The following USH2A variants were observed in gnomAD, a reference collection of about 807,000 sequenced individuals.
USH2A encodes usherin.
A neutral mutation model predicts 538.9 loss-of-function variants in USH2A; 443 were observed. The ratio of observed to expected loss-of-function variants is 0.82; its 90% CI spans 0.76 to 0.89. The LOEUF is 0.89. Among genes scored for constraint, USH2A ranks in the 40% least tolerant of loss-of-function variants. The pLI is 0.00. For missense variants in USH2A, 6,633 were observed against 6,324.8 expected (o/e 1.05, Z -1.65); for synonymous variants, 2,413 against 2,273.5 (o/e 1.06, Z -1.75).
intron 47 of USH2A, among the ~76,000 whole-genome samples, chr1:215,836,541 TAATATATATATATATA>T (rs1663529772): frequency 4.2e-5 from 1 of 23,724 alleles, no homozygotes; most frequent in African/African-American, 1.6e-4. Flanking sequence ...TATATATATA[TAATATATATATATATA>T]TATATATATT....
rs1660926674 is a variant in USH2A, at chr1:215,759,816, A to G, written c.11075T>C (p.Ile3692Thr). The change falls in exon 57 of 72, where the codon ATC becomes ACC. Residue 3692 changes from isoleucine to threonine, a missense_variant. Ile to Thr is a moderately conservative substitution (Grantham distance 89, BLOSUM62 -1). Transcript: ENST00000307340. ...EGVWVTPRHI[I>T]INSTTVELYW... Reference sequence around the variant, plus strand: ...TAATTCCACTGTTGTAGAATTGATGATAATGTGTCGAGGTGTCACCCAAAC... The same window carrying G: ...TAATTCCACTGTTGTAGAATTGATGGTAATGTGTCGAGGTGTCACCCAAAC... 6.2e-7 allele frequency: 1 copy of G among 1,613,900 alleles called. No individual in the cohort carries two copies. Among genetic ancestry groups the G allele is most frequent in the Admixed American group, 1.7e-5 (1 of 59,988 alleles).
intron 32 of USH2A, among the ~76,000 whole-genome samples, chr1:216,032,527 C>T (rs532647603): frequency 1.3e-5 from 2 of 152,110 alleles, no homozygotes; most frequent in African/African-American, 4.8e-5. Flanking sequence ...TACAATTTTC[C>T]CCCTTTGAGT....
chr1:215,696,692 C>G (rs2102686172), intron 61 of USH2A, among the ~76,000 whole-genome samples: 1 of 152,170 alleles, frequency 6.6e-6, no homozygotes, highest in Non-Finnish European at 1.5e-5. Flanking sequence ...GACTTGTGCC[C>G]CTGCTCTCAT....
At chr1:215,964,108 T>C (rs1667271122) in intron 37 of USH2A, among the ~76,000 whole-genome samples, 2 of 152,116 alleles carry the variant, frequency 1.3e-5, no homozygotes, top group Non-Finnish European at 2.9e-5. Context: ...AAGCAGAAAT[T>C]TTCTCTGCAA....
rs67328101 is a variant in USH2A at position 216,364,790 on chromosome 1, AT to A, written c.784+162del. 0.018 allele frequency among the ~76,000 whole-genome samples: 2,772 copies of A among 152,298 alleles called. 89 individuals are homozygous for A. The highest frequency in any genetic ancestry group is 0.061 in the African/African-American group (2,540 of 41,550). Reference sequence around the variant, plus strand: ...TTCCAGCTTCCAAAACTGTGAAAAAATAAATTTTACTTTCATTAATCTGCCA... The same window carrying A: ...TTCCAGCTTCCAAAACTGTGAAAAAAAAATTTTACTTTCATTAATCTGCCA... On this transcript the variant is annotated intron_variant, in intron 4 of 71. Coordinates refer to ENST00000307340, the MANE Select transcript of USH2A (RefSeq NM_206933.4).
intron 40 of USH2A, among the ~76,000 whole-genome samples, chr1:215,890,902 A>G (rs990469569): frequency 3.3e-5 from 5 of 152,172 alleles, no homozygotes; most frequent in African/African-American, 1.2e-4. Context: ...GTCTAACCTT[A>G]TCTCACCCTC....
At chr1:216,419,196 C>T (rs536845724) in intron 2 of USH2A, among the ~76,000 whole-genome samples, 15 of 152,176 alleles carry the variant, frequency 9.9e-5, no homozygotes, top group Non-Finnish European at 1.9e-4. Flanking sequence ...ATAGTCTCTA[C>T]TCACCCCATC....
intron 11 of USH2A, among the ~76,000 whole-genome samples, chr1:216,283,173 A>C: frequency 6.6e-6 from 1 of 151,710 alleles, no homozygotes; most frequent in East Asian, 1.9e-4. Flanking sequence ...TGCAAGCTCC[A>C]CCTCCCAGGT....
rs12089549 is a variant in USH2A at position 216,080,267 on chromosome 1, T to C, written c.5299-1905A>G. ...GACCAATGTTTTAAGGGTCTTGTAG[T>C]AGAAAATAGTTCTTTTAAGTGACAA... On this transcript the variant is annotated intron_variant, in intron 26 of 71. Coordinates refer to ENST00000307340, the MANE Select transcript of USH2A (RefSeq NM_206933.4). 5.9e-3 allele frequency among the ~76,000 whole-genome samples: 902 copies of C among 152,208 alleles called. 12 individuals are homozygous for C. Among genetic ancestry groups the C allele is most frequent in the African/African-American group, 0.021 (863 of 41,542 alleles).
chr1:216,036,506 A>G (rs1473844807), intron 32 of USH2A, among the ~76,000 whole-genome samples: 1 of 152,176 alleles, frequency 6.6e-6, no homozygotes, highest in Non-Finnish European at 1.5e-5. Flanking sequence ...AAATATGTGT[A>G]AAATATTTGT....
chr1:216,036,914 A>G (rs1357635970), intron 32 of USH2A, among the ~76,000 whole-genome samples: 1 of 152,168 alleles, frequency 6.6e-6, no homozygotes, highest in Non-Finnish European at 1.5e-5. Context: ...AGAACATATA[A>G]GGGAACTACA....
At chr1:216,355,924 G>A (rs761521525) in intron 4 of USH2A, among the ~76,000 whole-genome samples, 9 of 151,960 alleles carry the variant, frequency 5.9e-5, no homozygotes, top group East Asian at 1.9e-4. Flanking sequence ...TTATGATAGC[G>A]AAATTTTATT....
chr1:216,338,008 A>G (rs927714550), intron 4 of USH2A, among the ~76,000 whole-genome samples: 2 of 151,398 alleles, frequency 1.3e-5, no homozygotes, highest in Non-Finnish European at 3.0e-5. Flanking sequence ...ACTAAAAGAC[A>G]TAAAAGAAGA....
At chr1:215,963,115 C>T (rs1667241574) in intron 37 of USH2A, among the ~76,000 whole-genome samples, 1 of 152,086 alleles carries the variant, frequency 6.6e-6, no homozygotes, top group South Asian at 2.1e-4. Flanking sequence ...TACAGTTGTT[C>T]ATTATGTCAA....
At chr1:216,159,543 C>CACACACAA (rs2034012441) in intron 21 of USH2A, among the ~76,000 whole-genome samples, 1 of 146,834 alleles carries the variant, frequency 6.8e-6, no homozygotes, top group Non-Finnish European at 1.5e-5. Context: ...TATGTACACA[C>CACACACAA]ACACACACAC....
At chr1:215,881,262 CCCT>C (rs1240259022) in intron 41 of USH2A, among the ~76,000 whole-genome samples, 5 of 152,104 alleles carry the variant, frequency 3.3e-5, no homozygotes, top group Admixed American at 6.5e-5. Context: ...TGCTTCAGCC[CCCT>C]GAGTGGCTAG....
chr1:216,216,488 A>T (rs2035343871), intron 15 of USH2A, among the ~76,000 whole-genome samples: 1 of 151,942 alleles, frequency 6.6e-6, no homozygotes, highest in Non-Finnish European at 1.5e-5. Context: ...GTTTGTGATG[A>T]TCTGTCATGA....
intron 55 of USH2A, among the ~76,000 whole-genome samples, chr1:215,775,566 G>A (rs904239932): frequency 6.6e-6 from 1 of 152,188 alleles, no homozygotes; most frequent in African/African-American, 2.4e-5. Context: ...GTGTGGAACA[G>A]AGACAAGAGG....
chr1:215,917,780 C>CAAAAAA (rs869080030), intron 38 of USH2A, among the ~76,000 whole-genome samples: 8 of 89,618 alleles, frequency 8.9e-5, no homozygotes, highest in African/African-American at 3.1e-4. Context: ...CCTATCACTA[C>CAAAAAA]AAAAAAAAAA....
Sources: gnomAD v4.1 joint callset for allele counts (sites outside exome capture counted in the v4.1 genomes callset) on GRCh38, gnomAD v4.1.1 for gene constraint, MANE v1.5 for transcripts, NCBI Gene and HGNC (gene_info 2026-07-23, HGNC 2026-07-21) for gene names.